Variants in DMD observed in about 807,000 individuals in gnomAD.
DMD encodes the protein dystrophin, also known as mutant dystrophin.
Under a neutral mutation model 330.1 loss-of-function variants are expected in DMD, and 63 were observed. The ratio of observed to expected loss-of-function variants is 0.19; its 90% CI spans 0.16 to 0.24. DMD has a LOEUF of 0.24. DMD is among the 10% of genes least tolerant of loss of function. The probability of loss-of-function intolerance (pLI) is 1.00; values close to 1 mark genes in which losing one functional copy is unlikely to be tolerated. For synonymous variants in DMD, 1,223 were observed against 959.8 expected, an observed-to-expected ratio of 1.27 and a Z score of -5.07; for missense variants, 3,344 against 2,684.1, an observed-to-expected ratio of 1.25 and a Z score of -5.43.
intron 45 of DMD, among the ~76,000 whole-genome samples, chrX:31,958,110 TTTTTTTTTTTAA>T (rs2095265122): frequency 9.6e-6 from 1 of 103,893 alleles, no homozygotes; most frequent in South Asian, 4.6e-4. Flanking sequence ...TTTTTTTTTT[TTTTTTTTTTTAA>T]AAATGGTACA....
chrX:33,014,459 G>T (rs1168526375), intron 2 of DMD, among the ~76,000 whole-genome samples: 1 of 112,043 alleles, frequency 8.9e-6, no homozygotes, highest in African/African-American at 3.2e-5. Context: ...GAAGTGGGAA[G>T]AAGTAGAAGA....
At chrX:32,033,918 T>G (rs755103329) in intron 44 of DMD, among the ~76,000 whole-genome samples, 2 of 112,024 alleles carry the variant, frequency 1.8e-5, no homozygotes, top group East Asian at 5.6e-4. Flanking sequence ...CTCATATGAC[T>G]ATGCAGAAGA....
chrX:31,369,400 T>C (rs758894166), intron 60 of DMD, among the ~76,000 whole-genome samples: 25 of 112,186 alleles, frequency 2.2e-4, no homozygotes, highest in Non-Finnish European at 3.9e-4. Context: ...TCAAAAGATA[T>C]TGGAGTCAAG....
intron 60 of DMD, among the ~76,000 whole-genome samples, chrX:31,364,754 C>A (rs187086501): frequency 3.8e-3 from 420 of 111,054 alleles, no homozygotes; most frequent in African/African-American, 0.013. Flanking sequence ...CCAACTGCGG[C>A]ATTAATTCTC....
intron 1 of DMD, among the ~76,000 whole-genome samples, chrX:33,252,536 GC>G (rs1045383820): frequency 2.7e-5 from 3 of 110,024 alleles, no homozygotes; most frequent in African/African-American, 1.0e-4. Flanking sequence ...TACATTCTTT[GC>G]TTTAAAACAT....
rs756476521 is a variant in DMD, at chrX:31,890,899, T to TA, written c.6913-15527dup. On this transcript the variant is annotated intron_variant, in intron 47 of 78. Coordinates refer to ENST00000357033, the MANE Select transcript of DMD (RefSeq NM_004006.3). ...ATTGTCATGTTTAAACATATAAATA[T>TA]AAAAAAAATTTTCTATCAAATGGCA... Among the ~76,000 whole-genome samples, 3 of 111,645 alleles carry TA rather than the reference T, an allele frequency of 2.7e-5. No homozygotes were observed. In the Admixed American group the frequency reaches 2.9e-4, roughly 11 times the overall value.
intron 1 of DMD, among the ~76,000 whole-genome samples, chrX:33,033,316 C>T (rs994226181): frequency 1.8e-5 from 2 of 108,973 alleles, no homozygotes; most frequent in African/African-American, 3.4e-5. Context: ...AGGACTACAC[C>T]GAGAACACGT....
chrX:32,705,944 C>G, intron 7 of DMD, among the ~76,000 whole-genome samples: 1 of 109,695 alleles, frequency 9.1e-6, no homozygotes, highest in East Asian at 2.9e-4. Context: ...TACTGCAGCA[C>G]TATTCACAAT....
At chrX:32,952,899 C>T (rs1313674410) in intron 2 of DMD, among the ~76,000 whole-genome samples, 1 of 110,208 alleles carries the variant, frequency 9.1e-6, no homozygotes, top group East Asian at 2.9e-4. Context: ...TTTTGGAAGG[C>T]CAAGACGGGC....
rs977660473 is a variant in DMD at position 31,889,697 on chromosome X, G to A, written c.6913-14324C>T. 4.9e-5 allele frequency among the ~76,000 whole-genome samples: 5 copies of A among 101,537 alleles called. No individual in the cohort carries two copies. In the Admixed American group the frequency reaches 5.4e-4, roughly 11 times the overall value. 88.2% of individuals were successfully genotyped at this position (101,537 alleles called of 115,157 possible). ...CACACACACACGCACACCACAGAATGTGTTGTTACAAATTAACCCCGTATT... is the reference window on the plus strand; with the variant it reads ...CACACACACACGCACACCACAGAATATGTTGTTACAAATTAACCCCGTATT... On this transcript the variant is annotated intron_variant, in intron 47 of 78. Coordinates refer to ENST00000357033, the MANE Select transcript of DMD (RefSeq NM_004006.3).
chrX:31,724,052 G>A (rs1302206989), intron 52 of DMD, among the ~76,000 whole-genome samples: 1 of 112,204 alleles, frequency 8.9e-6, no homozygotes, highest in Middle Eastern at 4.6e-3. Flanking sequence ...TCAAACGTTC[G>A]CTGAACTGAA....
intron 9 of DMD, among the ~76,000 whole-genome samples, chrX:32,681,290 G>A (rs1320779424): frequency 2.7e-5 from 3 of 111,395 alleles, no homozygotes; most frequent in Non-Finnish European, 5.7e-5. Flanking sequence ...TGCATAAACT[G>A]CCGATTCTTG....
chrX:31,756,908 T>C (rs1280545764), intron 51 of DMD, among the ~76,000 whole-genome samples: 3 of 111,642 alleles, frequency 2.7e-5, no homozygotes, highest in African/African-American at 6.5e-5. Context: ...TACTATTTAA[T>C]ATTTTAATGG....
intron 9 of DMD, among the ~76,000 whole-genome samples, 200 bp downstream of exon 9, chrX:32,697,670 A>C (rs1211418251): frequency 1.8e-5 from 2 of 112,199 alleles, no homozygotes; most frequent in African/African-American, 6.5e-5. Flanking sequence ...ATATTTATGA[A>C]GAATCAACGT....
At chrX:32,328,593 T>C (rs763724014) in intron 41 of DMD, among the ~76,000 whole-genome samples, 2 of 110,386 alleles carry the variant, frequency 1.8e-5, no homozygotes, top group Non-Finnish European at 3.8e-5. Context: ...GCAACCAATA[T>C]AGAAACTTAG....
intron 9 of DMD, among the ~76,000 whole-genome samples, chrX:32,697,341 A>C (rs1281509579): frequency 5.4e-5 from 6 of 111,859 alleles, no homozygotes; most frequent in Non-Finnish European, 1.1e-4. Flanking sequence ...AGAGCCTGCT[A>C]TACACAAGTT....
intron 57 of DMD, among the ~76,000 whole-genome samples, chrX:31,486,521 G>A (rs773756883): frequency 8.9e-6 from 1 of 112,016 alleles, no homozygotes; most frequent in African/African-American, 3.2e-5. Flanking sequence ...TCAACCTAGT[G>A]ATTTCTTAAA....
At chrX:32,975,618 AG>A (rs749707388) in intron 2 of DMD, among the ~76,000 whole-genome samples, 1 of 110,860 alleles carries the variant, frequency 9.0e-6, no homozygotes, top group Non-Finnish European at 1.9e-5. Flanking sequence ...GACGACAGCT[AG>A]GGATTTCTGG....
intron 37 of DMD, among the ~76,000 whole-genome samples, chrX:32,352,553 C>G (rs2097785455): frequency 9.0e-6 from 1 of 110,852 alleles, no homozygotes; most frequent in Admixed American, 9.7e-5. Flanking sequence ...TTCTAAAGCT[C>G]AGTGGCCACA....
Sources: gnomAD v4.1 joint callset for allele counts (sites outside exome capture counted in the v4.1 genomes callset) on GRCh38, gnomAD v4.1.1 for gene constraint, MANE v1.5 for transcripts, NCBI Gene and HGNC (gene_info 2026-07-23, HGNC 2026-07-21) for gene names.